CNTNAP5: variants seen among roughly 807,000 people sequenced by gnomAD.
CNTNAP5 encodes the protein contactin-associated protein-like 5.
CNTNAP5 carries 72 observed loss-of-function variants against 150.2 expected under a neutral mutation model. The ratio of observed to expected loss-of-function variants is 0.48; its 90% confidence interval spans 0.40 to 0.58. CNTNAP5 has a LOEUF of 0.58. CNTNAP5 is among the 20% of genes least tolerant of loss of function. The pLI, the probability that CNTNAP5 is intolerant of heterozygous loss-of-function variation, is 0.00. For missense variants in CNTNAP5, 1,636 were observed against 1,626.2 expected (o/e 1.01, Z -0.10); for synonymous variants, 672 against 619.8 (o/e 1.08, Z -1.25).
chr2:124,367,702 T>C (rs1399576882), intron 3 of CNTNAP5, among the ~76,000 whole-genome samples: 1 of 152,158 alleles, frequency 6.6e-6, no homozygotes, highest in African/African-American at 2.4e-5. Context: ...CCTTGAGGTT[T>C]AAAGTGTACT....
At position 124,798,333 on chromosome 2, in the gene CNTNAP5, G is replaced by T. The variant is rs559438402; in HGVS notation, c.3217+13G>T. On this transcript the variant is annotated intron_variant, in intron 19 of 23. Transcript: ENST00000682447. ...CTCTGCAAGAATGGTGAGTGTGATG[G>T]CATGATACCCAGCGGAGTCTCAGCC... 1 of 1,581,654 alleles carries T rather than the reference G, an allele frequency of 6.3e-7. No individual in the cohort carries two copies. Among genetic ancestry groups the T allele is most frequent in the Non-Finnish European group, 8.7e-7 (1 of 1,150,724 alleles).
At chr2:124,190,604 A>T (rs1316266695) in intron 1 of CNTNAP5, among the ~76,000 whole-genome samples, 2 of 152,300 alleles carry the variant, frequency 1.3e-5, no homozygotes, top group East Asian at 3.9e-4. Context: ...AACTACTATG[A>T]TCCTAGAAAA....
At chr2:124,893,706 C>G (rs938175909) in intron 21 of CNTNAP5, among the ~76,000 whole-genome samples, 1 of 152,058 alleles carries the variant, frequency 6.6e-6, no homozygotes, top group Non-Finnish European at 1.5e-5. Context: ...AGGCAAGTAG[C>G]ACTGGATACT....
intron 8 of CNTNAP5, among the ~76,000 whole-genome samples, chr2:124,518,485 G>T (rs181394341): frequency 1.4e-3 from 213 of 152,272 alleles, no homozygotes; most frequent in Middle Eastern, 6.8e-3. Flanking sequence ...GGAATGTAAA[G>T]TAGTGTAGCC....
chr2:124,575,477 T>C (rs2104943489), intron 11 of CNTNAP5, among the ~76,000 whole-genome samples: 1 of 152,308 alleles, frequency 6.6e-6, no homozygotes, highest in African/African-American at 2.4e-5. Flanking sequence ...CCTGTATGTG[T>C]CCACTTTATA....
intron 19 of CNTNAP5, among the ~76,000 whole-genome samples, chr2:124,817,975 C>T (rs1420522137): frequency 6.6e-6 from 1 of 152,150 alleles, no homozygotes; most frequent in African/African-American, 2.4e-5. Context: ...CGTTAGCCAC[C>T]GACACATTCT....
At chr2:124,855,267 T>C (rs1677344287) in intron 19 of CNTNAP5, among the ~76,000 whole-genome samples, 1 of 135,228 alleles carries the variant, frequency 7.4e-6, no homozygotes, top group South Asian at 2.7e-4. Context: ...AACCTCCACC[T>C]CCCAGGTTCA....
At chr2:124,913,611 C>T (rs901078731) in intron 23 of CNTNAP5, among the ~76,000 whole-genome samples, 5 of 151,952 alleles carry the variant, frequency 3.3e-5, no homozygotes, top group Admixed American at 6.6e-5. Flanking sequence ...GCAAAACAAA[C>T]GTAACATAAA....
chr2:124,446,726 C>A (rs776938481), intron 5 of CNTNAP5, 27 bp from the exon 6 acceptor site: 1 of 1,604,780 alleles, frequency 6.2e-7, no homozygotes, highest in Non-Finnish European at 8.5e-7. Context: ...ACACAGACAT[C>A]ATCTTGCCTC....
At chr2:124,248,971 C>T (rs1037156709) in intron 3 of CNTNAP5, among the ~76,000 whole-genome samples, 2 of 152,044 alleles carry the variant, frequency 1.3e-5, no homozygotes, top group African/African-American at 4.8e-5. Context: ...TTAATGATTC[C>T]CAGCAATCTC....
At chr2:124,575,387 C>T (rs1696258825) in intron 11 of CNTNAP5, among the ~76,000 whole-genome samples, 1 of 152,138 alleles carries the variant, frequency 6.6e-6, no homozygotes, top group African/African-American at 2.4e-5. Context: ...TGAAGAAAAC[C>T]CTTTACTATT....
At chr2:124,559,129 C>T (rs555267766) in intron 10 of CNTNAP5, among the ~76,000 whole-genome samples, 2 of 152,324 alleles carry the variant, frequency 1.3e-5, no homozygotes, top group Non-Finnish European at 2.9e-5. Flanking sequence ...AGCTTAGGTC[C>T]ATGGACCACT....
At chr2:124,310,052 C>T (rs893207810) in intron 3 of CNTNAP5, among the ~76,000 whole-genome samples, 6 of 143,606 alleles carry the variant, frequency 4.2e-5, no homozygotes, top group African/African-American at 1.6e-4. Flanking sequence ...GCCTGAATCT[C>T]TTACCTTTTT....
intron 13 of CNTNAP5, among the ~76,000 whole-genome samples, chr2:124,710,292 G>T (rs1450100082): frequency 1.3e-5 from 2 of 152,114 alleles, no homozygotes; most frequent in Non-Finnish European, 2.9e-5. Context: ...AAGATTAAAA[G>T]CACTGTATGG....
intron 1 of CNTNAP5, among the ~76,000 whole-genome samples, chr2:124,195,466 G>GA (rs914568239): frequency 8.5e-5 from 13 of 152,194 alleles, no homozygotes; most frequent in Admixed American, 5.9e-4. Context: ...AGCACCGACA[G>GA]AAGCCCCATA....
At chr2:124,078,599 C>A (rs1403868895) in intron 1 of CNTNAP5, among the ~76,000 whole-genome samples, 1 of 152,184 alleles carries the variant, frequency 6.6e-6, no homozygotes. Flanking sequence ...CAGTTTTGAA[C>A]AATTTACAAT....
rs1035340669 is a variant in CNTNAP5, at chr2:124,521,870, T to C, written c.1328-2433T>C. 3.3e-5 allele frequency among the ~76,000 whole-genome samples: 5 copies of C among 152,128 alleles called. No individual in the cohort carries two copies. The South Asian group carries it at 1.0e-3, about 32-fold the overall frequency. ...CAAGACACACCTGACAGATTCTCTG[T>C]CTCATTAGCAGAATCCCTGTGGCCA... On this transcript the variant is annotated intron_variant, in intron 8 of 23. Coordinates refer to ENST00000682447, the MANE Select transcript of CNTNAP5 (RefSeq NM_001367498.1).
intron 1 of CNTNAP5, among the ~76,000 whole-genome samples, chr2:124,218,735 A>G (rs1349484323): frequency 6.6e-6 from 1 of 152,182 alleles, no homozygotes. Flanking sequence ...CCTGGAGGTC[A>G]GCACCTCATG....
In CNTNAP5 at chr2:124,617,435, A is replaced by G. The variant is rs34107086; in HGVS notation, c.1876+7515A>G. 6.5e-3 allele frequency among the ~76,000 whole-genome samples: 981 copies of G among 152,052 alleles called. 3 individuals carry two copies. The highest frequency in any genetic ancestry group is 9.8e-3 in the Non-Finnish European group (669 of 67,984). ...TTTGATGGTTTGCTCAATCCTTGGC[A>G]CTCCTTCACTTGCAGCCTCAGCACT... On this transcript the variant is annotated intron_variant, in intron 12 of 23. Coordinates refer to ENST00000682447, the MANE Select transcript of CNTNAP5 (RefSeq NM_001367498.1).
Sources: allele counts gnomAD v4.1 joint callset (sites outside exome capture counted in the v4.1 genomes callset), GRCh38; gene constraint gnomAD v4.1.1; transcripts MANE v1.5; gene names NCBI Gene and HGNC (gene_info 2026-07-23, HGNC 2026-07-21).